The following OPHN1 variants were observed in gnomAD, a reference collection of about 807,000 sequenced individuals.
The protein encoded by OPHN1 is oligophrenin 1, also known as oligophrenin-1.
OPHN1 carries 11 observed loss-of-function variants against 60.7 expected under a neutral mutation model. The observed-to-expected ratio is 0.18, with a 90% confidence interval of 0.11 to 0.30. The LOEUF (loss-of-function observed/expected upper bound fraction) is 0.30, where lower values mean the gene tolerates loss of function less well. OPHN1 is among the 10% of genes least tolerant of loss of function. The probability of loss-of-function intolerance (pLI) is 1.00; values close to 1 mark genes in which losing one functional copy is unlikely to be tolerated. For synonymous variants in OPHN1, 226 were observed against 222.6 expected (o/e 1.02, Z -0.14); for missense variants, 449 against 611.0 (o/e 0.73, Z 2.80).
chrX:68,290,909 C>T (rs917226689), intron 3 of OPHN1, among the ~76,000 whole-genome samples: 6 of 111,832 alleles, frequency 5.4e-5, no homozygotes, highest in African/African-American at 1.6e-4. Flanking sequence ...GCAGTAGGCA[C>T]ACAGTAGGTA....
chrX:68,352,110 T>C (rs764610702), intron 2 of OPHN1, among the ~76,000 whole-genome samples: 1 of 109,104 alleles, frequency 9.2e-6, no homozygotes, highest in Non-Finnish European at 1.9e-5. Flanking sequence ...CCTGACCTCG[T>C]GATCTGCCCG....
At chrX:68,200,036 G>A (rs145762980) in intron 11 of OPHN1, among the ~76,000 whole-genome samples, 232 of 112,468 alleles carry the variant, frequency 2.1e-3, no homozygotes, top group African/African-American at 7.1e-3. Flanking sequence ...AAGAGAGAGA[G>A]ACACCATCTC....
chrX:68,352,659 G>A (rs1482988309), intron 2 of OPHN1, among the ~76,000 whole-genome samples: 1 of 112,110 alleles, frequency 8.9e-6, no homozygotes, highest in Non-Finnish European at 1.9e-5. Flanking sequence ...GGGAGACTTT[G>A]ATGAAACTAA....
chrX:68,140,908 C>G (rs1007205950), intron 15 of OPHN1, among the ~76,000 whole-genome samples: 1 of 111,599 alleles, frequency 9.0e-6, no homozygotes. Context: ...GAAAGATCAC[C>G]TTCTTCCCAC....
intron 15 of OPHN1, among the ~76,000 whole-genome samples, chrX:68,159,144 C>A (rs895063166): frequency 8.9e-6 from 1 of 111,800 alleles, no homozygotes; most frequent in Non-Finnish European, 1.9e-5. Context: ...TAGAAGGGAA[C>A]TGATTTTTAT....
intron 2 of OPHN1, among the ~76,000 whole-genome samples, chrX:68,321,365 C>A (rs761035422): frequency 2.1e-4 from 23 of 112,138 alleles, no homozygotes; most frequent in African/African-American, 7.4e-4. Context: ...TCACAAGTCC[C>A]TACTCTCTAC....
At chrX:68,138,702 A>G (rs2077230840) in intron 15 of OPHN1, among the ~76,000 whole-genome samples, 1 of 112,400 alleles carries the variant, frequency 8.9e-6, no homozygotes, top group African/African-American at 3.2e-5. Context: ...CTCTACACAC[A>G]TTGGATTTGG....
At position 68,344,274 on chromosome X, in the gene OPHN1, G is replaced by A. The variant is rs190051632; in HGVS notation, c.155-45178C>T. The stretch of plus-strand genomic sequence containing the variant: ...CCAACCAATGGGTATTTTCTCACTG[G>A]CACATTCAAGAGAAGCCCCAACCAA... On this transcript the variant is annotated intron_variant, in intron 2 of 24. Coordinates refer to ENST00000355520, the MANE Select transcript of OPHN1 (RefSeq NM_002547.3). Among the ~76,000 whole-genome samples, 188 of 111,489 alleles carry A rather than the reference G, an allele frequency of 1.7e-3. 1 individual carries two copies. The highest frequency in any genetic ancestry group is 5.9e-3 in the African/African-American group (181 of 30,722).
intron 2 of OPHN1, among the ~76,000 whole-genome samples, chrX:68,408,150 T>G (rs1208461372): frequency 8.9e-6 from 1 of 112,626 alleles, no homozygotes. Flanking sequence ...TTCATCATTG[T>G]GACAACATCA....
intron 15 of OPHN1, among the ~76,000 whole-genome samples, chrX:68,136,373 G>A (rs1395779294): frequency 3.1e-5 from 3 of 96,455 alleles, no homozygotes; most frequent in East Asian, 6.3e-4. Context: ...GCGTGATCTC[G>A]GCTCACTGCA....
intron 2 of OPHN1, among the ~76,000 whole-genome samples, chrX:68,422,610 AAGAG>A (rs1278081560): frequency 3.3e-5 from 1 of 30,729 alleles, no homozygotes; most frequent in African/African-American, 5.6e-5. Context: ...AGAAAAGAAA[AAGAG>A]AGAGAGAAAG....
At chrX:68,111,130 G>T (rs1175781142) in intron 18 of OPHN1, among the ~76,000 whole-genome samples, 1 of 112,178 alleles carries the variant, frequency 8.9e-6, no homozygotes, top group Non-Finnish European at 1.9e-5. Context: ...ACCAAGAGAG[G>T]CCTCAAGAGT....
At chrX:68,199,035 C>T (rs1602229648) in intron 11 of OPHN1, among the ~76,000 whole-genome samples, 1 of 112,121 alleles carries the variant, frequency 8.9e-6, no homozygotes, top group Middle Eastern at 4.7e-3. Flanking sequence ...ACTGTGGTGA[C>T]GACTAAAGGA....
chrX:68,283,224 T>G (rs2078026629), intron 3 of OPHN1, 107 bp from the exon 4 acceptor site: 1 of 594,044 alleles, frequency 1.7e-6, no homozygotes, highest in Non-Finnish European at 2.8e-6. Context: ...TATGCCCACA[T>G]GGCCACTAGA....
chrX:68,263,173 A>C (rs1442451190), intron 5 of OPHN1, among the ~76,000 whole-genome samples: 1 of 111,599 alleles, frequency 9.0e-6, no homozygotes, highest in Non-Finnish European at 1.9e-5. Context: ...ATTAGTTCAG[A>C]GCATTCTCTG....
chrX:68,192,889 C>T lies in OPHN1; in HGVS notation c.1276+30G>A. 4.6e-6 allele frequency: 5 copies of T among 1,095,947 alleles called. No homozygotes were observed. The South Asian group carries it at 5.5e-5, about 12-fold the overall frequency. The allele number at this position is 1,095,947 out of a possible 1,213,427, so 90.3% of individuals were successfully genotyped here. A position where few individuals can be genotyped will look rare whatever the true frequency, so the allele number is the denominator to read the frequency against. On this transcript the variant is annotated intron_variant, in intron 15 of 24. Coordinates refer to ENST00000355520, the MANE Select transcript of OPHN1 (RefSeq NM_002547.3). ...TTCTTTGTAACACATAAAGTACTCC[C>T]AATAAGAATTATCAAAGTAAAATTG... is the stretch of plus-strand genomic sequence containing the variant.
chrX:68,266,839 C>T (rs1406417764), intron 5 of OPHN1, among the ~76,000 whole-genome samples: 3 of 110,695 alleles, frequency 2.7e-5, no homozygotes, highest in Non-Finnish European at 3.8e-5. Flanking sequence ...GAAGATCTCC[C>T]AAGCACATGG....
intron 5 of OPHN1, among the ~76,000 whole-genome samples, chrX:68,249,295 G>A (rs1463211860): frequency 8.9e-6 from 1 of 111,897 alleles, no homozygotes; most frequent in Admixed American, 9.5e-5. Context: ...TGCCTTTTGA[G>A]AACTTATTTT....
chrX:68,121,137 A>C (rs2077148858), intron 15 of OPHN1, among the ~76,000 whole-genome samples: 1 of 112,371 alleles, frequency 8.9e-6, no homozygotes, highest in Non-Finnish European at 1.9e-5. Flanking sequence ...AACGTAGACA[A>C]ATGGAATTGC....
Sources: gnomAD v4.1 joint callset for allele counts (sites outside exome capture counted in the v4.1 genomes callset) on GRCh38, gnomAD v4.1.1 for gene constraint, MANE v1.5 for transcripts, NCBI Gene and HGNC (gene_info 2026-07-23, HGNC 2026-07-21) for gene names.